Variants in MFAP4 observed in about 807,000 individuals in gnomAD.
MFAP4 encodes the protein microfibril associated protein 4, also known as microfibril-associated glycoprotein 4.
In MFAP4, 20 loss-of-function variants were observed where a neutral mutation model predicts 32.4. The ratio of observed to expected loss-of-function variants is 0.62; its 90% CI spans 0.43 to 0.90. MFAP4 has a LOEUF of 0.90. Among genes scored for constraint, MFAP4 ranks in the 40% least tolerant of loss-of-function variants. MFAP4 has a pLI of 0.00. For synonymous variants in MFAP4, 146 were observed against 137.4 expected (o/e 1.06, Z -0.44); for missense variants, 267 against 329.5 (o/e 0.81, Z 1.47).
rs758400014 is a variant in MFAP4, at chr17:19,384,430, G to A, written c.*32C>T. The stretch of plus-strand genomic sequence containing the variant: ...CACTCATGGAGACCATGGGTGTCCA[G>A]GGGAGGAAAGGTGCCTGAGGGGGCC... On this transcript the variant is annotated 3_prime_UTR_variant, in exon 6 of 6. Coordinates refer to ENST00000299610, the MANE Select transcript of MFAP4 (RefSeq NM_002404.3). 3.5e-5 allele frequency: 54 copies of A among 1,549,584 alleles called. No homozygotes were observed. The highest frequency in any genetic ancestry group is 4.4e-5 in the Non-Finnish European group (50 of 1,145,378).
At chr17:19,384,985 C>G in intron 5 of MFAP4, 114 bp downstream of exon 5, 1 of 1,366,594 alleles carries the variant, frequency 7.3e-7, no homozygotes, top group Non-Finnish European at 1.0e-6. Context: ...TGTGGCCCTT[C>G]CAGATCCAGA....
At position 19,386,746 on chromosome 17, in the gene MFAP4, G is replaced by A. The variant is rs1490573519; in HGVS notation, c.85+14C>T. 3.2e-6 allele frequency: 5 copies of A among 1,564,588 alleles called. No homozygotes were observed. The highest frequency in any genetic ancestry group is 4.3e-6 in the Non-Finnish European group (5 of 1,154,410). On this transcript the variant is annotated intron_variant, in intron 2 of 5. Coordinates refer to ENST00000299610, the MANE Select transcript of MFAP4 (RefSeq NM_002404.3). The stretch of plus-strand genomic sequence containing the variant: ...TGTGGGCCAGGCCGCGTCTGTGAGT[G>A]TGGGGCTGCTTACCATCTCCTCGGA...
chr17:19,386,122 AAAAC>A (rs574249428), intron 3 of MFAP4, among the ~76,000 whole-genome samples, 184 bp downstream of exon 3: 74 of 152,334 alleles, frequency 4.9e-4, no homozygotes, highest in Non-Finnish European at 8.5e-4. Flanking sequence ...GCTCCGCCTC[AAAAC>A]AAACAAACAA....
chr17:19,386,187 G>A, intron 3 of MFAP4, 123 bp downstream of exon 3: 1 of 898,512 alleles, frequency 1.1e-6, no homozygotes, highest in Non-Finnish European at 1.7e-6. Flanking sequence ...CTCAGAAGCT[G>A]TGCTGTGGGT....
At position 19,386,450 on chromosome 17, in the gene MFAP4, A is replaced by G. The variant is rs1179055366; in HGVS notation, c.100T>C (p.Cys34Arg). 1.2e-6 allele frequency: 2 copies of G among 1,613,100 alleles called. No homozygotes were observed. The highest frequency in any genetic ancestry group is 3.3e-5 in the Admixed American group (2 of 59,830). Residue 34 changes from cysteine (C) to arginine (R), a missense_variant, in exon 3 of 6, where the codon TGC becomes CGC. This residue lies in a region of MFAP4 where 223 missense variants were observed against 253.3 expected (regional missense o/e 0.88). Coordinates refer to ENST00000299610, the MANE Select transcript of MFAP4 (RefSeq NM_002404.3). Reference sequence around the variant, plus strand: ...TCACAGTCCAGGGGTTGCTGAAGGCAAAACCTCTCCAGAGCTGGGGGTAGG... The same window carrying G: ...TCACAGTCCAGGGGTTGCTGAAGGCGAAACCTCTCCAGAGCTGGGGGTAGG... ...GIRGDALERF[C>R]LQQPLDCDDI...
intron 2 of MFAP4, 25 bp downstream of exon 2, chr17:19,386,735 C>T (rs751557882): frequency 3.9e-5 from 61 of 1,557,924 alleles, no homozygotes; most frequent in Admixed American, 5.8e-5. Flanking sequence ...GGCCAGGCCG[C>T]GTCTGTGAGT....
At chr17:19,384,739 T>C in intron 5 of MFAP4, 30 bp from the exon 6 acceptor site, 1 of 1,612,170 alleles carries the variant, frequency 6.2e-7, no homozygotes, top group Non-Finnish European at 8.5e-7. Context: ...TTGGGGCTGC[T>C]GAGGCAGGGA....
rs1402547822 is a variant in MFAP4, at chr17:19,384,605, A to G, written c.625T>C (p.Phe209Leu). Reference protein sequence around the residue: ...CAALSSGAFWFRSCHFANLNG... With the variant: ...CAALSSGAFWLRSCHFANLNG... ...AGGTTGGCAAAGTGGCAGCTGCGGA[A>G]CCAGAAGGCTCCTGAGGAGAGAGCT... The change falls in exon 6 of 6, where the codon TTC becomes CTC. Residue 209 changes from phenylalanine to leucine, a missense_variant. Phe to Leu is a conservative substitution (Grantham distance 22). This residue lies in a region of MFAP4 where 25 missense variants were observed against 57.5 expected (regional missense o/e 0.43). Transcript: ENST00000299610. The G allele has an allele frequency of 6.2e-7, 1 of 1,614,026 alleles. No individual in the cohort carries two copies. Among genetic ancestry groups the G allele is most frequent in the Non-Finnish European group, 8.5e-7 (1 of 1,180,006 alleles).
rs373984654 is a variant in MFAP4, at chr17:19,386,844, G to A, written c.7-6C>T. On this transcript the variant is annotated splice_region_variant and splice_polypyrimidine_tract_variant and intron_variant, in intron 1 of 5. Transcript: ENST00000299610. ...AGCGGCAGGGCCAGGAGTGCCTGGC[G>A]ATGGGCAGACAGGGTCAGCACAGCC... is the stretch of plus-strand genomic sequence containing the variant. 21 of 1,557,378 alleles carry A rather than the reference G, an allele frequency of 1.3e-5. No homozygotes were observed. In the East Asian group the frequency reaches 2.9e-4, roughly 21 times the overall value.
intron 2 of MFAP4, 101 bp downstream of exon 2, chr17:19,386,659 T>G: frequency 1.4e-6 from 2 of 1,380,538 alleles, no homozygotes; most frequent in Admixed American, 3.9e-5. Flanking sequence ...ACCTGAGTCC[T>G]GCAGAGCTGG....
At position 19,386,470 on chromosome 17, in the gene MFAP4, G is replaced by T; in HGVS notation, c.86-6C>A. The T allele has an allele frequency of 6.2e-7, 1 of 1,610,584 alleles. No homozygotes were observed. Among genetic ancestry groups the T allele is most frequent in the Non-Finnish European group, 8.5e-7 (1 of 1,178,058 alleles). ...AAGGCAAAACCTCTCCAGAGCTGGG[G>T]GTAGGGACATGGGGACAGTGAGGAG... On this transcript the variant is annotated splice_region_variant and splice_polypyrimidine_tract_variant and intron_variant, in intron 2 of 5. Transcript: ENST00000299610.
rs536562220 is a variant in MFAP4 at position 19,386,809 on chromosome 17, A to AAGC, written c.33_35dup (p.Leu13dup). 12,854 of 1,573,940 alleles carry AAGC rather than the reference A, an allele frequency of 8.2e-3. 50 individuals are homozygous for AAGC. Among genetic ancestry groups the AAGC allele is most frequent in the Non-Finnish European group, 9.5e-3 (11,007 of 1,159,516 alleles). ...GGGGGGCACACGGGGGCGTGGAGAGAAGCAGCAGCAGCGGCAGGGCCAGGA... is the reference window on the plus strand; with the variant it reads ...GGGGGGCACACGGGGGCGTGGAGAGAAGCAGCAGCAGCAGCGGCAGGGCCAGGA... On this transcript the variant is annotated inframe_insertion, in exon 2 of 6. Transcript: ENST00000299610.
rs774202124 is a variant in MFAP4, at chr17:19,385,112, C to T, written c.507G>A (p.Glu169=). Residue 169 remains glutamate (E), a synonymous_variant, in exon 5 of 6, where the codon GAG becomes GAA. Coordinates refer to ENST00000299610, the MANE Select transcript of MFAP4 (RefSeq NM_002404.3). ...DGYTLFVAGF[E]DGGAGDSLSY... ...AGCGGGTTATACCTGCCCCGCCATC[C>T]TCAAAGCCTGCCACAAAGAGGGTGT... 1.2e-6 allele frequency: 2 copies of T among 1,613,988 alleles called. No homozygotes were observed. The highest frequency in any genetic ancestry group is 1.7e-6 in the Non-Finnish European group (2 of 1,179,856).
chr17:19,386,964 G>T, intron 1 of MFAP4, 126 bp from the exon 2 acceptor site: 1 of 1,290,916 alleles, frequency 7.7e-7, no homozygotes, highest in Non-Finnish European at 1.1e-6. Context: ...CTGCTATTTG[G>T]CCCCTCTTCC....
rs775934567 is a variant in MFAP4, at chr17:19,385,093, T to G, written c.520+6A>C. 1.9e-6 allele frequency: 3 copies of G among 1,612,388 alleles called. No individual in the cohort carries two copies. Among genetic ancestry groups the G allele is most frequent in the Non-Finnish European group, 2.5e-6 (3 of 1,178,874 alleles). On this transcript the variant is annotated splice_donor_region_variant and intron_variant, in intron 5 of 5. Transcript: ENST00000299610. ...AGCCCCTCCCAAAGCTAACAGCGGG[T>G]TATACCTGCCCCGCCATCCTCAAAG...
Position 19,386,301 on chromosome 17 carries a change from C to T in MFAP4, c.240+9G>A, listed in dbSNP as rs376455652. The T allele has an allele frequency of 2.7e-5, 43 of 1,587,216 alleles. No individual in the cohort carries two copies. Among genetic ancestry groups the T allele is most frequent in the Non-Finnish European group, 2.9e-5 (34 of 1,166,124 alleles). On this transcript the variant is annotated intron_variant, in intron 3 of 5. Coordinates refer to ENST00000299610, the MANE Select transcript of MFAP4 (RefSeq NM_002404.3). ...CCAGCTCTGGCCTCTGTTCCCTCCTCCCACTCACCGTCCACTTCCCGCCCT... is the reference window on the plus strand; with the variant it reads ...CCAGCTCTGGCCTCTGTTCCCTCCTTCCACTCACCGTCCACTTCCCGCCCT...
chr17:19,387,128 C>T, intron 1 of MFAP4, 22 bp downstream of exon 1: 2 of 1,611,852 alleles, frequency 1.2e-6, no homozygotes, highest in Admixed American at 1.7e-5. Flanking sequence ...TGCTATGAGT[C>T]CCCCGACCCT....
At position 19,384,358 on chromosome 17, in the gene MFAP4, G is replaced by T; in HGVS notation, c.*104C>A. 1.5e-6 allele frequency: 2 copies of T among 1,353,378 alleles called. No individual in the cohort carries two copies. The highest frequency in any genetic ancestry group is 1.4e-5 in the South Asian group (1 of 70,224). The allele number at this position is 1,353,378 out of a possible 1,614,324, so 83.8% of individuals were successfully genotyped here. A position where few individuals can be genotyped will look rare whatever the true frequency, so the allele number is the denominator to read the frequency against. On this transcript the variant is annotated 3_prime_UTR_variant, in exon 6 of 6. Transcript: ENST00000299610. Reference sequence around the variant, plus strand: ...CCACAAGGCCCCCTTGTAAGGAGTTGGTGCTCGGGAATCAGCAGAAGCATG... The same window carrying T: ...CCACAAGGCCCCCTTGTAAGGAGTTTGTGCTCGGGAATCAGCAGAAGCATG...
At chr17:19,385,581 T>C in intron 3 of MFAP4, 127 bp from the exon 4 acceptor site, 1 of 437,224 alleles carries the variant, frequency 2.3e-6, no homozygotes, top group South Asian at 1.8e-5. Context: ...GGGTTGGGGG[T>C]GGGGAGGGTG....
Sources: allele counts gnomAD v4.1 joint callset (sites outside exome capture counted in the v4.1 genomes callset), GRCh38; gene constraint gnomAD v4.1.1; regional missense constraint gnomAD v4.1.1; transcripts MANE v1.5; gene names NCBI Gene and HGNC (gene_info 2026-07-23, HGNC 2026-07-21).